The following ATP8A1 variants were observed in gnomAD, a reference collection of about 807,000 sequenced individuals.
ATP8A1 encodes the protein phospholipid-transporting ATPase IA.
ATP8A1 carries 90 observed loss-of-function variants against 177.7 expected under a neutral mutation model. That is an observed-to-expected ratio of 0.51 (90% CI 0.43 to 0.60). The LOEUF is 0.60. Among genes scored for constraint, ATP8A1 ranks in the 20% least tolerant of loss-of-function variants. The probability of loss-of-function intolerance (pLI) is 0.00; values close to 1 mark genes in which losing one functional copy is unlikely to be tolerated. For synonymous variants in ATP8A1, 493 were observed against 485.9 expected (o/e 1.01, Z -0.19); for missense variants, 1,072 against 1,392.8 (o/e 0.77, Z 3.67).
chr4:42,459,526 C>T, intron 27 of ATP8A1: 1 of 354,748 alleles, frequency 2.8e-6, no homozygotes, highest in African/African-American at 2.1e-5. Flanking sequence ...GCTTGAATGT[C>T]AGTGTTCTGG....
chr4:42,478,266 G>A (rs1721288659), intron 25 of ATP8A1, among the ~76,000 whole-genome samples: 1 of 152,068 alleles, frequency 6.6e-6, no homozygotes, highest in Non-Finnish European at 1.5e-5. Context: ...TGAGGTAGGA[G>A]GATCACTTGA....
At chr4:42,461,486 C>T (rs1719152007) in intron 27 of ATP8A1, among the ~76,000 whole-genome samples, 1 of 152,132 alleles carries the variant, frequency 6.6e-6, no homozygotes, top group African/African-American at 2.4e-5. Context: ...CACAAGTTCT[C>T]TTGCTTTGCC....
intron 1 of ATP8A1, among the ~76,000 whole-genome samples, chr4:42,656,127 C>T (rs2345658): frequency 0.35 from 53,174 of 152,028 alleles, 10,121 homozygotes; most frequent in African/African-American, 0.5. Context: ...CCCGGAGCAT[C>T]TGTTGCTCAG....
chr4:42,464,087 T>C (rs1719466529), intron 27 of ATP8A1, among the ~76,000 whole-genome samples: 1 of 152,218 alleles, frequency 6.6e-6, no homozygotes, highest in South Asian at 2.1e-4. Context: ...TTCTTTTGCA[T>C]GTTTTTGAGC....
chr4:42,557,164 C>T lies in ATP8A1; in HGVS notation c.1341-1124G>A, dbSNP rs150476687. On this transcript the variant is annotated intron_variant, in intron 15 of 36. Coordinates refer to ENST00000381668, the MANE Select transcript of ATP8A1 (RefSeq NM_006095.2). ...GTAGTAACTTGCTCTATTAAGTCTC[C>T]AAATCGTAAGAAAATACATCTTTAT... Among the ~76,000 whole-genome samples the T allele has an allele frequency of 2.5e-3, 381 of 152,202 alleles. 2 individuals are homozygous for T. The highest frequency in any genetic ancestry group is 8.8e-3 in the African/African-American group (367 of 41,538).
intron 27 of ATP8A1, among the ~76,000 whole-genome samples, chr4:42,458,669 A>G (rs1718748716): frequency 6.6e-6 from 1 of 152,240 alleles, no homozygotes; most frequent in Admixed American, 6.5e-5. Flanking sequence ...GCAATATAGC[A>G]AGGAGAAAAG....
chr4:42,594,631 T>A (rs1473201912), intron 6 of ATP8A1, among the ~76,000 whole-genome samples: 1 of 152,128 alleles, frequency 6.6e-6, no homozygotes, highest in Admixed American at 6.6e-5. Context: ...TAACTTCTCA[T>A]ATCCTCTCTG....
At chr4:42,419,064 G>A (rs1713567769) in intron 35 of ATP8A1, among the ~76,000 whole-genome samples, 1 of 152,148 alleles carries the variant, frequency 6.6e-6, no homozygotes, top group Non-Finnish European at 1.5e-5. Context: ...AATGATGGTT[G>A]CTTTGGATAT....
rs189353903 is a variant in ATP8A1 at position 42,623,333 on chromosome 4, C to T, written c.363+1203G>A. Among the ~76,000 whole-genome samples the T allele has an allele frequency of 3.5e-4, 53 of 152,268 alleles. 1 individual carries two copies. Among genetic ancestry groups the T allele is most frequent in the African/African-American group, 1.3e-3 (53 of 41,554 alleles). Reference sequence around the variant, plus strand: ...GACAAATACCACTTGACCCAGCAATCCCATTACTGGGTATATACCCAAAGG... The same window carrying T: ...GACAAATACCACTTGACCCAGCAATTCCATTACTGGGTATATACCCAAAGG... On this transcript the variant is annotated intron_variant, in intron 4 of 36. Transcript: ENST00000381668.
At chr4:42,550,077 C>A (rs1729345466) in intron 18 of ATP8A1, among the ~76,000 whole-genome samples, 1 of 152,088 alleles carries the variant, frequency 6.6e-6, no homozygotes, top group Admixed American at 6.5e-5. Flanking sequence ...CTTTTCCAAT[C>A]AACCTCTTCC....
At chr4:42,532,479 C>CA (rs1205411363) in intron 20 of ATP8A1, among the ~76,000 whole-genome samples, 210 of 145,036 alleles carry the variant, frequency 1.4e-3, no homozygotes, top group African/African-American at 4.0e-3. Flanking sequence ...AACTCCATCT[C>CA]AAAAAAAAAA....
At chr4:42,485,100 C>T (rs1489127273) in intron 25 of ATP8A1, among the ~76,000 whole-genome samples, 1 of 152,046 alleles carries the variant, frequency 6.6e-6, no homozygotes, top group Non-Finnish European at 1.5e-5. Flanking sequence ...CAGAAAAATG[C>T]CCAGCTATTT....
At chr4:42,652,606 T>C (rs1741205869) in intron 1 of ATP8A1, among the ~76,000 whole-genome samples, 2 of 152,294 alleles carry the variant, frequency 1.3e-5, no homozygotes, top group South Asian at 2.1e-4. Flanking sequence ...CCAAATCTCA[T>C]CTTAAATTGT....
At position 42,578,249 on chromosome 4, in the gene ATP8A1, T is replaced by C; in HGVS notation, c.1128+11A>G. On this transcript the variant is annotated intron_variant, in intron 12 of 36. Transcript: ENST00000381668. ...TTTTGTAGGGTGATAACAATCATAATTCATATTTACCCAATTTATGAAGTA... is the reference window on the plus strand; with the variant it reads ...TTTTGTAGGGTGATAACAATCATAACTCATATTTACCCAATTTATGAAGTA... The C allele has an allele frequency of 6.3e-7, 1 of 1,583,760 alleles. No homozygotes were observed. Among genetic ancestry groups the C allele is most frequent in the Admixed American group, 1.8e-5 (1 of 54,640 alleles).
At chr4:42,548,927 C>T in intron 19 of ATP8A1, 86 bp downstream of exon 19, 1 of 1,069,546 alleles carries the variant, frequency 9.3e-7, no homozygotes, top group Non-Finnish European at 1.4e-6. Context: ...AAAAACAAAA[C>T]ATACTTTCTA....
chr4:42,615,586 T>A (rs1007134812), intron 5 of ATP8A1, among the ~76,000 whole-genome samples: 8 of 152,110 alleles, frequency 5.3e-5, no homozygotes, highest in African/African-American at 1.9e-4. Context: ...GCAGGCCGGG[T>A]TGTATTTGTT....
intron 12 of ATP8A1, among the ~76,000 whole-genome samples, chr4:42,576,538 T>C (rs1280123747): frequency 1.3e-5 from 2 of 150,168 alleles, no homozygotes; most frequent in Non-Finnish European, 3.0e-5. Flanking sequence ...TGTACTTGCC[T>C]TGTGTCCAGT....
Position 42,552,543 on chromosome 4 carries a change from C to G in ATP8A1, c.1481G>C (p.Arg494Pro), listed in dbSNP as rs373156864. 3.7e-6 allele frequency: 6 copies of G among 1,613,242 alleles called. No individual in the cohort carries two copies. The highest frequency in any genetic ancestry group is 5.1e-6 in the Non-Finnish European group (6 of 1,179,746). ...TTGATAAATAATCTTGTCACCTTCT[C>G]GCTCTGGCACTGCTGTGTGACAGAC... ...MAVCHTAVPE[R>P]EGDKIIYQAA... Residue 494 changes from arginine to proline, a missense_variant, in exon 17 of 37, where the codon CGA becomes CCA. Arg to Pro is a moderately radical substitution (Grantham distance 103). Around this residue, in one of 5 missense-constraint regions of ATP8A1, gnomAD observed 388 missense variants for 471.7 expected, o/e 0.82. Transcript: ENST00000381668.
At chr4:42,532,052 T>C (rs924847951) in intron 20 of ATP8A1, among the ~76,000 whole-genome samples, 1 of 151,948 alleles carries the variant, frequency 6.6e-6, no homozygotes, top group Admixed American at 6.6e-5. Flanking sequence ...CAGTGAGCCA[T>C]GATCATACCA....
Sources: gnomAD v4.1 joint callset for allele counts (sites outside exome capture counted in the v4.1 genomes callset) on GRCh38, gnomAD v4.1.1 for gene constraint, gnomAD v4.1.1 regional missense constraint, MANE v1.5 for transcripts, NCBI Gene and HGNC (gene_info 2026-07-23, HGNC 2026-07-21) for gene names.